Variants in FTCDNL1 observed in about 807,000 individuals in gnomAD.
FTCDNL1 encodes formiminotransferase cyclodeaminase N-terminal like, also known as formiminotransferase N-terminal subdomain-containing protein.
In FTCDNL1, 11 loss-of-function variants were observed where a neutral mutation model predicts 5.9. That is an observed-to-expected ratio of 1.87 (90% CI 1.18 to 3.10). FTCDNL1 has a LOEUF of 3.10. FTCDNL1 is among the 30% of genes most tolerant of loss of function. The pLI is 0.00. For missense variants in FTCDNL1, 115 were observed against 65.5 expected (o/e 1.76, Z -2.61); for synonymous variants, 58 against 24.8 (o/e 2.34, Z -3.99).
intron 3 of FTCDNL1, among the ~76,000 whole-genome samples, chr2:199,823,285 T>G (rs1225456553): frequency 6.6e-6 from 1 of 152,078 alleles, no homozygotes; most frequent in Non-Finnish European, 1.5e-5. Flanking sequence ...CCCATGAGGG[T>G]TGGAACCAAC....
At chr2:199,667,663 T>A in the FTCDNL1 span, among the ~76,000 whole-genome samples, 1 of 152,142 alleles carries the variant, frequency 6.6e-6, no homozygotes, top group Non-Finnish European at 1.5e-5. Flanking sequence ...TAAAAATAAA[T>A]AAATAAATCA....
intron 3 of FTCDNL1, among the ~76,000 whole-genome samples, chr2:199,776,958 ATGTGTGTGTG>A (rs56145074): frequency 0.023 from 3,073 of 136,162 alleles, 131 homozygotes; most frequent in East Asian, 0.19. Context: ...ATGTGTGTAT[ATGTGTGTGTG>A]TGTGTGTGTG....
Position 199,776,927 on chromosome 2 carries a change from T to TATATAC in FTCDNL1, c.212-16093_212-16092insGTATAT, listed in dbSNP as rs745763683. 9.6e-3 allele frequency among the ~76,000 whole-genome samples: 1,416 copies of TATATAC among 147,540 alleles called. 23 individuals carry two copies. Among genetic ancestry groups the TATATAC allele is most frequent in the African/African-American group, 0.031 (1,241 of 39,638 alleles). On this transcript the variant is annotated intron_variant, in intron 3 of 3. Transcript: ENST00000416668. ...TAATATATGTGTATGTATATATATATACACACACACACACACAGAGATGTG... is the reference window on the plus strand; with the variant it reads ...TAATATATGTGTATGTATATATATATATATACACACACACACACACACAGAGATGTG...
chr2:199,817,495 T>A (rs555875794), intron 4 of FTCDNL1, among the ~76,000 whole-genome samples: 2 of 152,254 alleles, frequency 1.3e-5, no homozygotes, highest in African/African-American at 4.8e-5. Flanking sequence ...AAACAGAGAA[T>A]AAAATCATGG....
the FTCDNL1 span, among the ~76,000 whole-genome samples, chr2:199,741,715 C>T: frequency 6.6e-6 from 1 of 152,082 alleles, no homozygotes; most frequent in African/African-American, 2.4e-5. Context: ...TTAACAAGCG[C>T]ACTATAAGAA....
intron 3 of FTCDNL1, among the ~76,000 whole-genome samples, chr2:199,788,446 T>A (rs868784544): frequency 6.6e-6 from 1 of 152,142 alleles, no homozygotes; most frequent in African/African-American, 2.4e-5. Context: ...AACTTGGAAA[T>A]TTAAAAGCAC....
At chr2:199,752,824 TATAG>T in the FTCDNL1 span, among the ~76,000 whole-genome samples, 4 of 149,690 alleles carry the variant, frequency 2.7e-5, no homozygotes, top group Admixed American at 6.7e-5. Flanking sequence ...ATTGGAGATA[TATAG>T]ATAGAGAGAG....
In FTCDNL1 at chr2:199,833,975, G is replaced by A. The variant is rs1007387828; in HGVS notation, c.211+12100C>T. ...TGGAGAGAGCTCTGCTCATCTTGCT[G>A]TCTGTTACAGGCTGAATTGCGTTCT... On this transcript the variant is annotated intron_variant, in intron 3 of 4. Coordinates refer to ENST00000420128, the MANE Select transcript of FTCDNL1 (RefSeq NM_001363886.2). Among the ~76,000 whole-genome samples the A allele has an allele frequency of 9.9e-5, 15 of 152,182 alleles. 1 individual carries two copies. Among genetic ancestry groups the A allele is most frequent in the Admixed American group, 9.2e-4 (14 of 15,286 alleles).
At chr2:199,724,271 CTCT>C in the FTCDNL1 span, among the ~76,000 whole-genome samples, 2 of 151,958 alleles carry the variant, frequency 1.3e-5, no homozygotes, top group South Asian at 4.1e-4. Flanking sequence ...TGATTCTTCT[CTCT>C]TTTCTTTTTT....
chr2:199,756,404 TC>T (rs138570931), downstream of FTCDNL1, among the ~76,000 whole-genome samples: 2,079 of 152,288 alleles, frequency 0.014, 122 homozygotes, highest in Admixed American at 0.097. Context: ...GCCATTTTCT[TC>T]CACCAGCCAG....
At chr2:199,724,128 C>T in the FTCDNL1 span, among the ~76,000 whole-genome samples, 1 of 152,084 alleles carries the variant, frequency 6.6e-6, no homozygotes, top group Admixed American at 6.6e-5. Context: ...CGTATGTGTC[C>T]AGGAATATAT....
At chr2:199,666,910 CA>C in the FTCDNL1 span, among the ~76,000 whole-genome samples, 2,353 of 99,302 alleles carry the variant, frequency 0.024, 51 homozygotes, top group African/African-American at 0.067. Context: ...GAGTCCATCT[CA>C]AAAAAAAAAA....
chr2:199,734,672 A>G, the FTCDNL1 span, among the ~76,000 whole-genome samples: 1 of 152,208 alleles, frequency 6.6e-6, no homozygotes, highest in South Asian at 2.1e-4. Flanking sequence ...GGTATTTCAA[A>G]TAGCACCCAG....
the FTCDNL1 span, among the ~76,000 whole-genome samples, chr2:199,688,804 G>C: frequency 3.3e-5 from 5 of 152,214 alleles, no homozygotes; most frequent in African/African-American, 1.2e-4. Flanking sequence ...TCTCAGTACA[G>C]TTCTGCCTCG....
chr2:199,799,285 G>GA (rs1700324860), intron 3 of FTCDNL1, among the ~76,000 whole-genome samples: 1 of 151,632 alleles, frequency 6.6e-6, no homozygotes, highest in Admixed American at 6.6e-5. Flanking sequence ...AACTGGAAAA[G>GA]AAAAAAAATA....
chr2:199,765,298 A>C (rs2106259589), intron 3 of FTCDNL1, among the ~76,000 whole-genome samples: 1 of 151,510 alleles, frequency 6.6e-6, no homozygotes, highest in East Asian at 1.9e-4. Flanking sequence ...CAAACGTACC[A>C]CTCTGTGGGG....
chr2:199,720,814 G>T, the FTCDNL1 span, among the ~76,000 whole-genome samples: 32 of 152,028 alleles, frequency 2.1e-4, 1 homozygote, highest in South Asian at 6.0e-3. Context: ...AAGGAGAAAT[G>T]GGGGTAAGCC....
intron 3 of FTCDNL1, among the ~76,000 whole-genome samples, chr2:199,834,468 C>T (rs1489754315): frequency 6.6e-6 from 1 of 152,132 alleles, no homozygotes; most frequent in East Asian, 1.9e-4. Context: ...CCCTGCCTCC[C>T]TCTTCCTTCT....
the FTCDNL1 span, among the ~76,000 whole-genome samples, chr2:199,699,358 C>G: frequency 6.6e-6 from 1 of 151,992 alleles, no homozygotes; most frequent in Non-Finnish European, 1.5e-5. Context: ...TCCCAGCTAC[C>G]TGGGGGGCTC....
Sources: gnomAD v4.1 joint callset for allele counts (sites outside exome capture counted in the v4.1 genomes callset) on GRCh38, gnomAD v4.1.1 for gene constraint, MANE v1.5 for transcripts, NCBI Gene and HGNC (gene_info 2026-07-23, HGNC 2026-07-21) for gene names.